The following GALNTL6 variants were observed in gnomAD, a reference collection of about 807,000 sequenced individuals.
GALNTL6 encodes polypeptide N-acetylgalactosaminyltransferase-like 6.
Under a neutral mutation model 73.7 loss-of-function variants are expected in GALNTL6, and 46 were observed. The observed-to-expected ratio is 0.62, with a 90% CI of 0.49 to 0.80. The LOEUF is 0.80. Ranked by LOEUF, GALNTL6 falls within the 30% of genes least tolerant of loss-of-function variation. The pLI is 0.00. For missense variants in GALNTL6, 604 were observed against 755.0 expected, an observed-to-expected ratio of 0.80 and a Z score of 2.34; for synonymous variants, 259 against 263.7, an observed-to-expected ratio of 0.98 and a Z score of 0.17.
At chr4:173,024,086 G>A (rs1753128889) in intron 12 of GALNTL6, among the ~76,000 whole-genome samples, 1 of 152,038 alleles carries the variant, frequency 6.6e-6, no homozygotes, top group Admixed American at 6.6e-5. Context: ...TTTTATTAGG[G>A]AGCTTACAAA....
At chr4:171,983,887 GAGA>G (rs899608346) in intron 2 of GALNTL6, among the ~76,000 whole-genome samples, 45 of 152,266 alleles carry the variant, frequency 3.0e-4, no homozygotes, top group African/African-American at 1.1e-3. Context: ...TAGGGAAGTG[GAGA>G]AGGAGGAAAG....
chr4:171,836,569 C>T (rs1273417048), intron 2 of GALNTL6, among the ~76,000 whole-genome samples: 1 of 152,110 alleles, frequency 6.6e-6, no homozygotes, highest in South Asian at 2.1e-4. Context: ...CTTTCTAGTT[C>T]TCCAACATCA....
chr4:172,046,199 G>A (rs1389311144), intron 2 of GALNTL6, among the ~76,000 whole-genome samples: 2 of 152,010 alleles, frequency 1.3e-5, no homozygotes, highest in African/African-American at 2.4e-5. Context: ...TGTGGATGAT[G>A]TTGCAATAAA....
At chr4:172,740,027 T>C (rs1158115570) in intron 5 of GALNTL6, among the ~76,000 whole-genome samples, 3 of 152,080 alleles carry the variant, frequency 2.0e-5, no homozygotes, top group Non-Finnish European at 4.4e-5. Context: ...AAAGCCTTTG[T>C]AGGGACTTCA....
At chr4:172,579,102 A>C (rs1737067784) in intron 5 of GALNTL6, among the ~76,000 whole-genome samples, 1 of 152,212 alleles carries the variant, frequency 6.6e-6, no homozygotes, top group Non-Finnish European at 1.5e-5. Flanking sequence ...AGTTTTCTTC[A>C]GTTCAGAATA....
intron 10 of GALNTL6, among the ~76,000 whole-genome samples, chr4:172,972,137 C>T (rs1750610314): frequency 6.6e-6 from 1 of 152,032 alleles, no homozygotes; most frequent in South Asian, 2.1e-4. Context: ...TCATTGAAAA[C>T]AACTTACATA....
chr4:172,723,618 G>A (rs1365327743), intron 5 of GALNTL6, among the ~76,000 whole-genome samples: 1 of 151,956 alleles, frequency 6.6e-6, no homozygotes, highest in African/African-American at 2.4e-5. Context: ...ATAGTGCCTT[G>A]AAGAATGAAT....
chr4:172,713,121 TC>T (rs1560898558), intron 5 of GALNTL6, among the ~76,000 whole-genome samples: 2 of 152,108 alleles, frequency 1.3e-5, no homozygotes, highest in African/African-American at 4.8e-5. Flanking sequence ...TTAGTTTTTT[TC>T]CCCTAGGTAA....
At chr4:171,969,205 C>T (rs766042417) in intron 2 of GALNTL6, among the ~76,000 whole-genome samples, 2 of 152,152 alleles carry the variant, frequency 1.3e-5, no homozygotes, top group Non-Finnish European at 2.9e-5. Flanking sequence ...GTATAAACCT[C>T]TGGTCCTAGG....
rs56297446 is a variant in GALNTL6 at position 172,328,715 on chromosome 4, C to G, written c.386+16963C>G. On this transcript the variant is annotated intron_variant, in intron 4 of 12. Transcript: ENST00000506823. ...ACTGGCTATTGCATTGAGAAATTCTCGTAGTGTGTTTTTTCATACTGGGTG... is the reference window on the plus strand; with the variant it reads ...ACTGGCTATTGCATTGAGAAATTCTGGTAGTGTGTTTTTTCATACTGGGTG... 8.8e-3 allele frequency among the ~76,000 whole-genome samples: 1,342 copies of G among 152,224 alleles called. 6 individuals carry two copies. The highest frequency in any genetic ancestry group is 0.013 in the Non-Finnish European group (857 of 67,996).
intron 5 of GALNTL6, among the ~76,000 whole-genome samples, chr4:172,663,859 G>A (rs1181955731): frequency 1.3e-5 from 2 of 151,828 alleles, no homozygotes; most frequent in South Asian, 2.1e-4. Context: ...GAACCTGGGA[G>A]GCAGAGGCTG....
chr4:172,774,108 A>G (rs10034905), intron 5 of GALNTL6, among the ~76,000 whole-genome samples: 78,735 of 151,898 alleles, frequency 0.52, 21,245 homozygotes, highest in East Asian at 0.78. Flanking sequence ...TTTTTGCACA[A>G]CGAATTCAAG....
At chr4:171,939,757 T>C (rs1738468770) in intron 2 of GALNTL6, among the ~76,000 whole-genome samples, 2 of 152,126 alleles carry the variant, frequency 1.3e-5, no homozygotes, top group Non-Finnish European at 2.9e-5. Flanking sequence ...ATTTGTTGTT[T>C]ATCAGGATCA....
intron 2 of GALNTL6, among the ~76,000 whole-genome samples, chr4:172,219,696 A>T (rs897950728): frequency 6.6e-6 from 1 of 151,900 alleles, no homozygotes; most frequent in African/African-American, 2.4e-5. Flanking sequence ...AGACCCTTTT[A>T]AGATTTAGAT....
intron 5 of GALNTL6, among the ~76,000 whole-genome samples, chr4:172,421,733 T>C (rs1731057303): frequency 6.6e-6 from 1 of 152,120 alleles, no homozygotes; most frequent in African/African-American, 2.4e-5. Context: ...AATAAAATTC[T>C]GTTGAAATAA....
chr4:172,376,078 C>G (rs1743019286), intron 5 of GALNTL6, among the ~76,000 whole-genome samples: 4 of 152,126 alleles, frequency 2.6e-5, no homozygotes, highest in Admixed American at 2.6e-4. Context: ...CCTAAAATTC[C>G]AGGTAGTCTC....
At chr4:172,264,768 T>G (rs1011130929) in intron 3 of GALNTL6, among the ~76,000 whole-genome samples, 3 of 150,434 alleles carry the variant, frequency 2.0e-5, no homozygotes, top group Non-Finnish European at 3.0e-5. Context: ...ATCCCAGTAA[T>G]TATAATAATA....
At chr4:171,970,269 CTA>C (rs1165182884) in intron 2 of GALNTL6, among the ~76,000 whole-genome samples, 4 of 152,202 alleles carry the variant, frequency 2.6e-5, no homozygotes, top group African/African-American at 9.7e-5. Context: ...AGCTTAAATA[CTA>C]CCTACTGTAA....
At chr4:172,995,915 C>T (rs982704363) in intron 10 of GALNTL6, among the ~76,000 whole-genome samples, 2 of 152,192 alleles carry the variant, frequency 1.3e-5, no homozygotes, top group African/African-American at 2.4e-5. Context: ...CACCTGACCA[C>T]GCCTCTGTTC....
Sources: gnomAD v4.1 joint callset for allele counts (sites outside exome capture counted in the v4.1 genomes callset) on GRCh38, gnomAD v4.1.1 for gene constraint, MANE v1.5 for transcripts, NCBI Gene and HGNC (gene_info 2026-07-23, HGNC 2026-07-21) for gene names.